Variants in NPAS2 observed in about 807,000 individuals in gnomAD.
The protein encoded by NPAS2 is neuronal PAS domain-containing protein 2.
Under a neutral mutation model 107.5 loss-of-function variants are expected in NPAS2, and 23 were observed. The observed-to-expected ratio is 0.21, with a 90% CI of 0.15 to 0.30. The LOEUF is 0.30. Among genes scored for constraint, NPAS2 ranks in the 10% least tolerant of loss-of-function variants. NPAS2 has a pLI of 1.00. For missense variants in NPAS2, 756 were observed against 1,043.3 expected, an observed-to-expected ratio of 0.72 and a Z score of 3.79; for synonymous variants, 403 against 417.5, an observed-to-expected ratio of 0.97 and a Z score of 0.42.
intron 1 of NPAS2, among the ~76,000 whole-genome samples, chr2:100,835,950 A>G (rs1447468957): frequency 1.3e-5 from 2 of 152,184 alleles, no homozygotes; most frequent in Admixed American, 1.3e-4. Context: ...CCGACTTTTG[A>G]GTAACAGGGT....
chr2:100,921,212 C>T (rs1683204466), intron 2 of NPAS2, among the ~76,000 whole-genome samples: 1 of 152,214 alleles, frequency 6.6e-6, no homozygotes. Flanking sequence ...GGCACCACTT[C>T]CCAGACCTGT....
At chr2:100,856,802 T>C (rs891595948) in intron 1 of NPAS2, among the ~76,000 whole-genome samples, 1 of 152,132 alleles carries the variant, frequency 6.6e-6, no homozygotes, top group Non-Finnish European at 1.5e-5. Context: ...GGACCAAACA[T>C]GAAAAGAGAG....
rs983512628 is a variant in NPAS2, at chr2:100,968,919, C to T, written c.1055+491C>T. 2.6e-5 allele frequency among the ~76,000 whole-genome samples: 4 copies of T among 152,316 alleles called. No homozygotes were observed. The highest frequency in any genetic ancestry group is 1.9e-4 in the East Asian group (1 of 5,174). On this transcript the variant is annotated intron_variant, in intron 11 of 20. Coordinates refer to ENST00000335681, the MANE Select transcript of NPAS2 (RefSeq NM_002518.4). This position sits in a 1 kb window ranked among gnomAD's most constrained non-coding sequence, Gnocchi z 5.3. ...GGAAAACAGCCTGGCTGCCAGTGGG[C>T]GCGGGTTCCTGGGAGGTCCCTGCTG...
At chr2:100,920,938 C>T (rs1428333074) in intron 2 of NPAS2, among the ~76,000 whole-genome samples, 2 of 152,232 alleles carry the variant, frequency 1.3e-5, no homozygotes, top group Non-Finnish European at 2.9e-5. Context: ...TCGCAGTCTT[C>T]CCTTGATTTC....
rs574724425 is a variant in NPAS2 at position 100,988,974 on chromosome 2, GC to G, written c.1827+704del. On this transcript the variant is annotated intron_variant, in intron 17 of 20. Coordinates refer to ENST00000335681, the MANE Select transcript of NPAS2 (RefSeq NM_002518.4). ...CTCCAGGCGCCCCCTGCTCCTCCAG[GC>G]CCCCCTGCTCCTCCAGGCCCCCACT... The G allele has an allele frequency of 5.7e-3, 449 of 79,402 alleles. 4 individuals are homozygous for G. The highest frequency in any genetic ancestry group is 0.018 in the African/African-American group (432 of 23,396). The allele number at this position is 79,402 out of a possible 1,614,324, so 4.9% of individuals were successfully genotyped here. A position where few individuals can be genotyped will look rare whatever the true frequency, so the allele number is the denominator to read the frequency against.
Position 100,931,905 on chromosome 2 carries a change from C to A in NPAS2, c.182-1005C>A, listed in dbSNP as rs188372125. Among the ~76,000 whole-genome samples, 489 of 151,356 alleles carry A rather than the reference C, an allele frequency of 3.2e-3. 1 individual carries two copies. Among genetic ancestry groups the A allele is most frequent in the African/African-American group, 0.011 (461 of 41,488 alleles). ...TAAGAGAGATTATCAAAAACACAGGCACAAAGGAGAGAGCCTTGAAATCTT... is the reference window on the plus strand; with the variant it reads ...TAAGAGAGATTATCAAAAACACAGGAACAAAGGAGAGAGCCTTGAAATCTT... On this transcript the variant is annotated intron_variant, in intron 3 of 20. Coordinates refer to ENST00000335681, the MANE Select transcript of NPAS2 (RefSeq NM_002518.4).
chr2:100,827,734 T>G (rs1676474198), intron 1 of NPAS2, among the ~76,000 whole-genome samples: 1 of 152,240 alleles, frequency 6.6e-6, no homozygotes, highest in Admixed American at 6.5e-5. Flanking sequence ...TTTTTATGGC[T>G]GCATAGTATT....
At chr2:100,988,587 G>A in intron 17 of NPAS2, 1 of 383,728 alleles carries the variant, frequency 2.6e-6, no homozygotes, top group Non-Finnish European at 4.8e-6. Context: ...AGGCAGATAT[G>A]GCCATCCCAG....
intron 1 of NPAS2, among the ~76,000 whole-genome samples, chr2:100,900,483 C>T (rs773197942): frequency 3.3e-5 from 5 of 152,102 alleles, no homozygotes; most frequent in Non-Finnish European, 7.3e-5. Context: ...TGAAATTGTA[C>T]GTTCACTTTG....
chr2:100,975,491 C>T lies in NPAS2; in HGVS notation c.1316C>T (p.Thr439Ile), dbSNP rs778202316. The T allele has an allele frequency of 1.2e-5, 19 of 1,613,378 alleles. No homozygotes were observed. Among genetic ancestry groups the T allele is most frequent in the Middle Eastern group, 1.6e-4 (1 of 6,080 alleles). Residue 439 changes from threonine (T) to isoleucine (I), a missense_variant, in exon 14 of 21, where the codon ACC becomes ATC. By Grantham distance (89) the Thr-to-Ile change is moderately conservative (BLOSUM62 -1). Around this residue, in one of 4 missense-constraint regions of NPAS2, gnomAD observed 496 missense variants for 594.4 expected, o/e 0.83. Coordinates refer to ENST00000335681, the MANE Select transcript of NPAS2 (RefSeq NM_002518.4). ...TPTKLMAEAS[T>I]PALPRSATLP... ...ACCAAGCTGATGGCAGAGGCCAGCA[C>T]CCCGGCTTTGCCAAGATCAGCCACC... is the stretch of plus-strand genomic sequence containing the variant.
At chr2:100,834,591 T>C (rs369683605) in intron 1 of NPAS2, among the ~76,000 whole-genome samples, 26 of 152,248 alleles carry the variant, frequency 1.7e-4, no homozygotes, top group Admixed American at 9.8e-4. Flanking sequence ...TTCTCATGTA[T>C]GCCAGGCGGG....
intron 20 of NPAS2, 113 bp downstream of exon 20, chr2:100,993,640 A>G (rs757515925): frequency 1.3e-6 from 1 of 783,524 alleles, no homozygotes; most frequent in African/African-American, 1.8e-5. Context: ...TTCTATCCCT[A>G]GTATAGAAGT....
rs376334669 is a variant in NPAS2, at chr2:100,846,544, CAAT to C, written c.-23+26133_-23+26135del. 4.3e-4 allele frequency among the ~76,000 whole-genome samples: 66 copies of C among 152,202 alleles called. 1 individual carries two copies. The East Asian group carries it at 8.7e-3, about 20-fold the overall frequency. ...TTGTACCATTGACTACCAAGAATAA[CAAT>C]AAGCCTTCTTTTTAAGTTAAAAAAG... On this transcript the variant is annotated intron_variant, in intron 1 of 20. Transcript: ENST00000335681.
rs189765904 is a variant in NPAS2, at chr2:100,948,209, C to T, written c.364-26C>T. 127 of 1,610,114 alleles carry T rather than the reference C, an allele frequency of 7.9e-5. 1 individual carries two copies. The Admixed American group carries it at 2.1e-3, about 26-fold the overall frequency. On this transcript the variant is annotated intron_variant, in intron 5 of 20. Transcript: ENST00000335681. ...GTTTTTCATCTTCGTTGAGGGTGTA[C>T]CTTTGTCCTTTATTTTCTTTTTCAG...
chr2:100,937,500 T>C (rs564694124), intron 4 of NPAS2, among the ~76,000 whole-genome samples: 1 of 152,352 alleles, frequency 6.6e-6, no homozygotes, highest in South Asian at 2.1e-4. Flanking sequence ...CTAAATGTTA[T>C]TTGATTATGC....
intron 1 of NPAS2, among the ~76,000 whole-genome samples, chr2:100,858,514 C>T (rs192942545): frequency 2.0e-5 from 3 of 152,250 alleles, no homozygotes; most frequent in East Asian, 3.9e-4. Flanking sequence ...CCAGTGGTCT[C>T]TGTGTTCCCT....
chr2:100,867,141 G>A (rs2104555149), intron 1 of NPAS2, among the ~76,000 whole-genome samples: 1 of 152,298 alleles, frequency 6.6e-6, no homozygotes, highest in African/African-American at 2.4e-5. Context: ...TTTGTTTGTT[G>A]CGTGCTTGAA....
At chr2:100,978,150 C>A (rs1283410274) in intron 15 of NPAS2, among the ~76,000 whole-genome samples, 1 of 152,152 alleles carries the variant, frequency 6.6e-6, no homozygotes, top group Non-Finnish European at 1.5e-5. Context: ...CTTTATGCCT[C>A]ACATCCCCCC....
chr2:100,988,510 C>G (rs1485583489), intron 17 of NPAS2: 1 of 538,018 alleles, frequency 1.9e-6, no homozygotes, highest in African/African-American at 1.9e-5. Flanking sequence ...CACCTCAGTC[C>G]CTTGCTCTCG....
Sources: gnomAD v4.1 joint callset for allele counts (sites outside exome capture counted in the v4.1 genomes callset) on GRCh38, gnomAD v4.1.1 for gene constraint, gnomAD v4.1.1 regional missense constraint, Gnocchi (gnomAD v3.1) non-coding constraint, MANE v1.5 for transcripts, NCBI Gene and HGNC (gene_info 2026-07-23, HGNC 2026-07-21) for gene names.